The following RYR2 variants were observed in gnomAD, a reference collection of about 807,000 sequenced individuals.
RYR2 encodes the protein cardiac muscle ryanodine receptor-calcium release channel.
RYR2 carries 227 observed loss-of-function variants against 601.1 expected under a neutral mutation model. The ratio of observed to expected loss-of-function variants is 0.38; its 90% CI spans 0.34 to 0.42. RYR2 has a LOEUF of 0.42. Ranked by LOEUF, RYR2 falls within the 10% of genes least tolerant of loss-of-function variation. The pLI is 1.00. For synonymous variants in RYR2, 2,223 were observed against 2,175.1 expected, an observed-to-expected ratio of 1.02 and a Z score of -0.61; for missense variants, 4,646 against 6,156.5, an observed-to-expected ratio of 0.75 and a Z score of 8.21.
intron 2 of RYR2, among the ~76,000 whole-genome samples, chr1:237,329,709 C>T (rs73127292): frequency 0.093 from 14,106 of 151,998 alleles, 1,366 homozygotes; most frequent in African/African-American, 0.24. Flanking sequence ...TGCTCTCCTA[C>T]GTGCATATAT....
chr1:237,580,028 G>A (rs1486789026), intron 29 of RYR2, among the ~76,000 whole-genome samples: 1 of 152,082 alleles, frequency 6.6e-6, no homozygotes, highest in South Asian at 2.1e-4. Context: ...TCTCTGATGT[G>A]AAGCGTGTGC....
At chr1:237,654,512 T>G in intron 52 of RYR2, 98 bp downstream of exon 52, 6 of 1,214,980 alleles carry the variant, frequency 4.9e-6, no homozygotes, top group Non-Finnish European at 6.8e-6. Flanking sequence ...CTATCTTTGC[T>G]AACCAAGACA....
intron 12 of RYR2, among the ~76,000 whole-genome samples, chr1:237,438,572 T>C (rs953687075): frequency 2.0e-5 from 3 of 152,248 alleles, no homozygotes; most frequent in African/African-American, 7.2e-5. Context: ...TACTGGACTT[T>C]CCTCCAGCAT....
intron 1 of RYR2, among the ~76,000 whole-genome samples, chr1:237,192,900 A>G (rs1485259002): frequency 1.3e-5 from 2 of 152,190 alleles, no homozygotes; most frequent in Admixed American, 1.3e-4. Flanking sequence ...GATGTTATTT[A>G]GAATCCAAAC....
chr1:237,388,013 G>T, intron 9 of RYR2, 74 bp from the exon 10 acceptor site: 1 of 1,329,274 alleles, frequency 7.5e-7, no homozygotes, highest in Non-Finnish European at 1.1e-6. Context: ...GTAGAAGATT[G>T]GACCAGATGA....
intron 35 of RYR2, among the ~76,000 whole-genome samples, chr1:237,605,973 A>G (rs1404365610): frequency 6.6e-5 from 10 of 151,386 alleles, no homozygotes; most frequent in African/African-American, 2.4e-4. Context: ...AATCAATATC[A>G]TGAAAATGGC....
chr1:237,745,611 G>A (rs16835705), intron 80 of RYR2, among the ~76,000 whole-genome samples: 35,967 of 152,066 alleles, frequency 0.24, 4,429 homozygotes, highest in Non-Finnish European at 0.29. Context: ...CAGAAAAGAA[G>A]TCCGAAAGAC....
chr1:237,327,287 T>G (rs981763819), intron 2 of RYR2, among the ~76,000 whole-genome samples: 1 of 152,198 alleles, frequency 6.6e-6, no homozygotes, highest in African/African-American at 2.4e-5. Flanking sequence ...GAATTGCCTT[T>G]GAAGATTGTT....
chr1:237,833,132 G>A lies in RYR2; in HGVS notation c.*485G>A, dbSNP rs1344697622. ...TAGTGCCTTACTATATGTGGGTTGA[G>A]CTATGCAGAAGATACGTGCATGAAA... On this transcript the variant is annotated 3_prime_UTR_variant, in exon 105 of 105. Coordinates refer to ENST00000366574, the MANE Select transcript of RYR2 (RefSeq NM_001035.3). The A allele has an allele frequency of 3.9e-5, 6 of 152,580 alleles. No individual in the cohort carries two copies. Among genetic ancestry groups the A allele is most frequent in the African/African-American group, 1.2e-4 (5 of 41,374 alleles). The allele number at this position is 152,580 out of a possible 1,614,324, so 9.5% of individuals were successfully genotyped here.
chr1:237,589,646 G>A (rs1262118783), intron 29 of RYR2, 147 bp from the exon 30 acceptor site: 3 of 663,970 alleles, frequency 4.5e-6, no homozygotes, highest in Non-Finnish European at 7.7e-6. Flanking sequence ...AATATTTAAT[G>A]TCATTGTTCC....
intron 3 of RYR2, among the ~76,000 whole-genome samples, chr1:237,349,221 A>C (rs565012278): frequency 6.6e-6 from 1 of 152,206 alleles, no homozygotes; most frequent in Non-Finnish European, 1.5e-5. Flanking sequence ...GGAGGGAACA[A>C]AATTTAAAAG....
intron 62 of RYR2, 67 bp from the exon 63 acceptor site, chr1:237,687,388 T>TTTCCCC: frequency 1.6e-6 from 1 of 628,072 alleles, no homozygotes; most frequent in Non-Finnish European, 2.7e-6. Context: ...TTTTTTTAAT[T>TTTCCCC]TCCCCCTGTC....
intron 34 of RYR2, among the ~76,000 whole-genome samples, 156 bp downstream of exon 34, chr1:237,595,813 C>A (rs1441197270): frequency 2.0e-5 from 3 of 152,116 alleles, no homozygotes; most frequent in Non-Finnish European, 4.4e-5. Context: ...CTAGCAAGCC[C>A]TCCTCATAGC....
chr1:237,136,736 C>A (rs1672823565), intron 1 of RYR2, among the ~76,000 whole-genome samples: 2 of 152,212 alleles, frequency 1.3e-5, no homozygotes, highest in Non-Finnish European at 2.9e-5. Flanking sequence ...GCTGAGCAGG[C>A]TGGGTGTGGT....
At chr1:237,440,953 T>C (rs6661949) in intron 12 of RYR2, among the ~76,000 whole-genome samples, 132,266 of 151,706 alleles carry the variant, frequency 0.87, 58,086 homozygotes, top group East Asian at 0.99. Context: ...GGACTCAAAA[T>C]TAAATCTCTC....
At chr1:237,460,853 T>C (rs553334107) in intron 16 of RYR2, among the ~76,000 whole-genome samples, 2 of 152,308 alleles carry the variant, frequency 1.3e-5, no homozygotes, top group East Asian at 3.9e-4. Flanking sequence ...TTATAATATA[T>C]AGAAAATGCT....
At chr1:237,204,424 T>C (rs531669007) in intron 1 of RYR2, among the ~76,000 whole-genome samples, 2 of 152,120 alleles carry the variant, frequency 1.3e-5, no homozygotes, top group East Asian at 3.9e-4. Context: ...TTCCTATTGC[T>C]GATACTGTTG....
At chr1:237,339,494 C>T (rs898754945) in intron 3 of RYR2, among the ~76,000 whole-genome samples, 4 of 151,932 alleles carry the variant, frequency 2.6e-5, no homozygotes. Context: ...CCTCATTCCC[C>T]CCTAAGATAA....
At chr1:237,244,414 TC>T in intron 1 of RYR2, among the ~76,000 whole-genome samples, 1 of 152,176 alleles carries the variant, frequency 6.6e-6, no homozygotes, top group Non-Finnish European at 1.5e-5. Context: ...GAATGGCGGC[TC>T]CATCTGCCCT....
Sources: gnomAD v4.1 joint callset for allele counts (sites outside exome capture counted in the v4.1 genomes callset) on GRCh38, gnomAD v4.1.1 for gene constraint, MANE v1.5 for transcripts, NCBI Gene and HGNC (gene_info 2026-07-23, HGNC 2026-07-21) for gene names.